The following TDRD3 variants were observed in gnomAD, a reference collection of about 807,000 sequenced individuals.
TDRD3 encodes tudor domain-containing protein 3.
Under a neutral mutation model 86.7 loss-of-function variants are expected in TDRD3, and 45 were observed. The ratio of observed to expected loss-of-function variants is 0.52; its 90% CI spans 0.41 to 0.67. TDRD3 has a LOEUF of 0.67. TDRD3 is among the 30% of genes least tolerant of loss of function. TDRD3 has a pLI of 0.00. For missense variants in TDRD3, 814 were observed against 889.0 expected, an observed-to-expected ratio of 0.92 and a Z score of 1.07; for synonymous variants, 298 against 301.7, an observed-to-expected ratio of 0.99 and a Z score of 0.13.
chr13:60,425,352 A>G (rs1423511694), intron 1 of TDRD3, among the ~76,000 whole-genome samples: 1 of 152,206 alleles, frequency 6.6e-6, no homozygotes, highest in Non-Finnish European at 1.5e-5. Flanking sequence ...ATCAAAAAAG[A>G]TACAAGATAA....
At chr13:60,564,410 T>G (rs1403443380) in intron 12 of TDRD3, among the ~76,000 whole-genome samples, 2 of 152,202 alleles carry the variant, frequency 1.3e-5, no homozygotes, top group Non-Finnish European at 2.9e-5. Context: ...GATTTTCTGG[T>G]GCCAAAATCT....
intron 12 of TDRD3, chr13:60,537,768 A>G (rs958111657): frequency 4.0e-5 from 6 of 151,864 alleles, no homozygotes; most frequent in South Asian, 2.1e-4. Flanking sequence ...GTGCACTACA[A>G]TTTTTTTTAT....
chr13:60,470,560 A>G (rs150186549), intron 5 of TDRD3, among the ~76,000 whole-genome samples: 6 of 148,914 alleles, frequency 4.0e-5, no homozygotes, highest in East Asian at 3.9e-4. Context: ...CCATTCTAAC[A>G]TGGGTAAAAT....
chr13:60,525,097 A>AG (rs1566271637), intron 10 of TDRD3, among the ~76,000 whole-genome samples: 1 of 149,382 alleles, frequency 6.7e-6, no homozygotes, highest in Non-Finnish European at 1.5e-5. Flanking sequence ...AAAAAAAAAA[A>AG]AAAAAAAAAA....
chr13:60,570,044 C>T (rs1006568995), intron 13 of TDRD3, among the ~76,000 whole-genome samples: 4 of 151,924 alleles, frequency 2.6e-5, no homozygotes, highest in African/African-American at 9.7e-5. Context: ...GCACAGGCAA[C>T]CAAAGCAAAA....
rs761690423 is a variant in TDRD3, at chr13:60,567,633, C to T, written c.2227C>T (p.Arg743Trp). ...ACAGTTTTACCAACCACCCCGGGCTCGGAACTAATAGGAAAAGGTAAACTT... is the reference window on the plus strand; with the variant it reads ...ACAGTTTTACCAACCACCCCGGGCTTGGAACTAATAGGAAAAGGTAAACTT... The part of the protein sequence containing the change: ...TQQFYQPPRA[R>W]N The change falls in exon 13 of 14, where the codon CGG becomes TGG. Residue 743 changes from arginine (R) to tryptophan (W), a missense_variant. By Grantham distance (101) the Arg-to-Trp change is moderately radical. Coordinates refer to ENST00000377881, the MANE Select transcript of TDRD3 (RefSeq NM_001146070.2). 7 of 1,613,956 alleles carry T rather than the reference C, an allele frequency of 4.3e-6. No homozygotes were observed. The highest frequency in any genetic ancestry group is 2.2e-5 in the East Asian group (1 of 44,870).
At chr13:60,430,296 G>A (rs1377939964) in intron 1 of TDRD3, among the ~76,000 whole-genome samples, 2 of 152,154 alleles carry the variant, frequency 1.3e-5, no homozygotes, top group East Asian at 3.8e-4. Context: ...GCCTCACCTT[G>A]AGAGACCCTC....
chr13:60,555,185 T>G (rs1315147786), intron 12 of TDRD3, among the ~76,000 whole-genome samples: 1 of 152,190 alleles, frequency 6.6e-6, no homozygotes, highest in Non-Finnish European at 1.5e-5. Flanking sequence ...ATGTTGAACC[T>G]TTTGAAATCT....
chr13:60,505,025 A>G (rs1296823034), intron 8 of TDRD3, among the ~76,000 whole-genome samples: 1 of 152,174 alleles, frequency 6.6e-6, no homozygotes, highest in Non-Finnish European at 1.5e-5. Context: ...TTGGGCAGAC[A>G]CTAACCTAGC....
intron 1 of TDRD3, among the ~76,000 whole-genome samples, chr13:60,421,725 A>G (rs1461141030): frequency 6.6e-6 from 1 of 152,220 alleles, no homozygotes; most frequent in Non-Finnish European, 1.5e-5. Context: ...GTAAAAAGAA[A>G]AAGTTAAAAG....
chr13:60,406,831 C>T (rs908121311), intron 1 of TDRD3, among the ~76,000 whole-genome samples: 2 of 152,116 alleles, frequency 1.3e-5, no homozygotes, highest in Non-Finnish European at 2.9e-5. Context: ...AAAAATTCCC[C>T]ACAATCTTTC....
At chr13:60,548,749 G>T (rs1412707397) in intron 12 of TDRD3, among the ~76,000 whole-genome samples, 2 of 151,610 alleles carry the variant, frequency 1.3e-5, no homozygotes, top group African/African-American at 2.4e-5. Flanking sequence ...TAATACTTAC[G>T]CTGGCAAGGA....
intron 1 of TDRD3, among the ~76,000 whole-genome samples, chr13:60,416,075 A>G (rs1300208555): frequency 1.3e-5 from 2 of 152,178 alleles, no homozygotes; most frequent in Non-Finnish European, 2.9e-5. Context: ...ACTTTGTTGG[A>G]TGGCTCAAAA....
At chr13:60,435,933 C>CTTTTTTTTTTTTTTTTTTTTTTT (rs1175974016) in intron 1 of TDRD3, among the ~76,000 whole-genome samples, 56 of 114,168 alleles carry the variant, frequency 4.9e-4, no homozygotes, top group Middle Eastern at 4.6e-3. Flanking sequence ...TTTTTTTTTA[C>CTTTTTTTTTTTTTTTTTTTTTTT]TTTTTAATTA....
chr13:60,451,395 A>C lies in TDRD3; in HGVS notation c.192+6647A>C, dbSNP rs539379399. ...AGCCATTGAGATCTCTGGTACAAGA[A>C]ATAGTGTTAGATGCTTGCCGTGTGC... On this transcript the variant is annotated intron_variant, in intron 3 of 13. Transcript: ENST00000377881. Among the ~76,000 whole-genome samples the C allele has an allele frequency of 2.6e-5, 4 of 152,280 alleles. No individual in the cohort carries two copies. In the East Asian group the frequency reaches 7.7e-4, roughly 29 times the overall value.
intron 1 of TDRD3, among the ~76,000 whole-genome samples, chr13:60,429,766 A>G (rs777514892): frequency 7.2e-5 from 11 of 152,182 alleles, no homozygotes; most frequent in African/African-American, 1.2e-4. Context: ...ACTTTTGACT[A>G]TTAGCTGTAG....
chr13:60,506,229 C>T (rs1293958993), intron 8 of TDRD3, among the ~76,000 whole-genome samples: 1 of 152,152 alleles, frequency 6.6e-6, no homozygotes, highest in African/African-American at 2.4e-5. Flanking sequence ...CACTATTCAA[C>T]ATTCTTAAAG....
chr13:60,529,275 G>T, intron 11 of TDRD3, 58 bp downstream of exon 11: 1 of 1,489,660 alleles, frequency 6.7e-7, no homozygotes, highest in Non-Finnish European at 8.9e-7. Flanking sequence ...ATTCTAGTGG[G>T]ACTTTATAGA....
chr13:60,572,844 C>A, intron 13 of TDRD3, among the ~76,000 whole-genome samples: 1 of 152,216 alleles, frequency 6.6e-6, no homozygotes, highest in East Asian at 1.9e-4. Context: ...TCTGGTCCAG[C>A]ATCAATGTCA....
Sources: gnomAD v4.1 joint callset for allele counts (sites outside exome capture counted in the v4.1 genomes callset) on GRCh38, gnomAD v4.1.1 for gene constraint, MANE v1.5 for transcripts, NCBI Gene and HGNC (gene_info 2026-07-23, HGNC 2026-07-21) for gene names.